The following VWA8 variants were observed in gnomAD, a reference collection of about 807,000 sequenced individuals.
VWA8 encodes the protein von Willebrand factor A domain-containing protein 8.
Under a neutral mutation model 241.5 loss-of-function variants are expected in VWA8, and 221 were observed. The ratio of observed to expected loss-of-function variants is 0.91; its 90% confidence interval spans 0.82 to 1.02. VWA8 has a LOEUF of 1.02. Ranked by LOEUF, VWA8 falls within the 50% of genes least tolerant of loss-of-function variation. VWA8 has a pLI of 0.00. For synonymous variants in VWA8, 852 were observed against 827.1 expected (o/e 1.03, Z -0.52); for missense variants, 2,322 against 2,328.7 (o/e 1.00, Z 0.06).
chr13:41,662,158 G>T lies in VWA8; in HGVS notation c.4611+8788C>A, dbSNP rs35515246. The stretch of plus-strand genomic sequence containing the variant: ...CCCATATAAATTTTAGAGTTGGCTT[G>T]TTTATAGCTATAAACAAAATCCTGC... On this transcript the variant is annotated intron_variant, in intron 37 of 44. Coordinates refer to ENST00000379310, the MANE Select transcript of VWA8 (RefSeq NM_015058.2). 9.4e-3 allele frequency among the ~76,000 whole-genome samples: 1,435 copies of T among 152,154 alleles called. 11 individuals are homozygous for T. The highest frequency in any genetic ancestry group is 0.021 in the African/African-American group (859 of 41,512).
At chr13:41,691,163 C>G (rs935106345) in intron 32 of VWA8, among the ~76,000 whole-genome samples, 157 bp downstream of exon 32, 1 of 152,054 alleles carries the variant, frequency 6.6e-6, no homozygotes, top group African/African-American at 2.4e-5. Flanking sequence ...TTTCTCCCCT[C>G]CTCAATTCTT....
rs1054728220 is a variant in VWA8, at chr13:41,926,120, G to C, written c.242-13952C>G. The C allele has an allele frequency of 1.8e-5, 10 of 565,844 alleles. No individual in the cohort carries two copies. In the African/African-American group the frequency reaches 1.9e-4, roughly 11 times the overall value. The allele number at this position is 565,844 out of a possible 1,614,324, so 35.1% of individuals were successfully genotyped here. A position where few individuals can be genotyped will look rare whatever the true frequency, so the allele number is the denominator to read the frequency against. On this transcript the variant is annotated intron_variant, in intron 2 of 44. Transcript: ENST00000379310. ...AATTTATTCATATTAGTAAGAAACT[G>C]CATCAAGGAGACATAATTGGAGTTC...
At chr13:41,644,501 G>C (rs187837416) in intron 37 of VWA8, among the ~76,000 whole-genome samples, 4 of 152,380 alleles carry the variant, frequency 2.6e-5, no homozygotes, top group Admixed American at 2.6e-4. Context: ...CCATGCCTGT[G>C]TGTGTTTTCT....
intron 40 of VWA8, among the ~76,000 whole-genome samples, chr13:41,601,348 C>G (rs2044519871): frequency 6.6e-6 from 1 of 152,122 alleles, no homozygotes; most frequent in Admixed American, 6.6e-5. Context: ...GTGCCAAACA[C>G]AGTGTGTGCT....
chr13:41,818,772 C>T (rs895712341), intron 15 of VWA8, among the ~76,000 whole-genome samples: 1 of 152,078 alleles, frequency 6.6e-6, no homozygotes, highest in Non-Finnish European at 1.5e-5. Flanking sequence ...TTACTATTTA[C>T]GTGTCTGGCC....
At chr13:41,748,788 G>A (rs1318063069) in intron 21 of VWA8, among the ~76,000 whole-genome samples, 3 of 152,146 alleles carry the variant, frequency 2.0e-5, no homozygotes, top group African/African-American at 7.2e-5. Context: ...AATCGTGCTG[G>A]GAAAACTGGC....
At position 41,626,019 on chromosome 13, in the gene VWA8, G is replaced by T. The variant is rs868544757; in HGVS notation, c.4612-10935C>A. On this transcript the variant is annotated intron_variant, in intron 37 of 44. Transcript: ENST00000379310. ...ACACCGCATGTTCTCACTCATAGGT[G>T]GGAATTGAACAATGAGAACACATGG... 5.3e-3 allele frequency among the ~76,000 whole-genome samples: 672 copies of T among 126,544 alleles called. 2 individuals are homozygous for T. Among genetic ancestry groups the T allele is most frequent in the Middle Eastern group, 0.026 (7 of 272 alleles). 83.0% of individuals were successfully genotyped at this position (126,544 alleles called of 152,430 possible). A position where few individuals can be genotyped will look rare whatever the true frequency, so the allele number is the denominator to read the frequency against.
chr13:41,583,883 G>A (rs1474829356), intron 42 of VWA8, among the ~76,000 whole-genome samples: 1 of 152,120 alleles, frequency 6.6e-6, no homozygotes, highest in Non-Finnish European at 1.5e-5. Context: ...TTGAATTTGA[G>A]TTGGATATTA....
chr13:41,872,363 A>G (rs1463159356), intron 9 of VWA8, among the ~76,000 whole-genome samples: 6 of 152,180 alleles, frequency 3.9e-5, no homozygotes, highest in Non-Finnish European at 8.8e-5. Context: ...TTGGTGTTTT[A>G]GACATGAAGT....
At position 41,819,332 on chromosome 13, in the gene VWA8, AG is replaced by A; in HGVS notation, c.1754del (p.Pro585LeufsTer16). 1 of 1,612,816 alleles carries A rather than the reference AG, an allele frequency of 6.2e-7. No individual in the cohort carries two copies. The highest frequency in any genetic ancestry group is 8.5e-7 in the Non-Finnish European group (1 of 1,179,736). On this transcript the variant is annotated frameshift_variant, in exon 15 of 45. Transcript: ENST00000379310. LOFTEE classifies it high-confidence loss of function. ...SFRIIALAEP[P>X]VIGSTAHQWL... ...ACTGGTGTGCTGTGCTTCCAATAAC[AG>A]GGGGTTCTGCCAAGGCAATGATTCT...
chr13:41,630,836 G>A (rs1051263955), intron 37 of VWA8, among the ~76,000 whole-genome samples: 2 of 152,172 alleles, frequency 1.3e-5, no homozygotes, highest in African/African-American at 4.8e-5. Context: ...CATAAGAGGT[G>A]CTAAATAAAT....
In VWA8 at chr13:41,568,619, A is replaced by G. The variant is rs573996907; in HGVS notation, c.5610-314T>C. Among the ~76,000 whole-genome samples the G allele has an allele frequency of 3.4e-4, 52 of 152,342 alleles. 1 individual carries two copies. In the South Asian group the frequency reaches 0.011, roughly 31 times the overall value. ...TCTTGGTATTTCATATTCTTTTGGTATAACAGAGCCATAGGGATTCATATG... is the reference window on the plus strand; with the variant it reads ...TCTTGGTATTTCATATTCTTTTGGTGTAACAGAGCCATAGGGATTCATATG... On this transcript the variant is annotated intron_variant, in intron 44 of 44. Coordinates refer to ENST00000379310, the MANE Select transcript of VWA8 (RefSeq NM_015058.2).
At chr13:41,848,985 C>T (rs888413997) in intron 12 of VWA8, among the ~76,000 whole-genome samples, 2 of 152,230 alleles carry the variant, frequency 1.3e-5, no homozygotes, top group Non-Finnish European at 2.9e-5. Flanking sequence ...CTTCTACCAA[C>T]TCAAATCCCA....
In VWA8 at chr13:41,721,469, A is replaced by C. The variant is rs757281516; in HGVS notation, c.2865T>G (p.Leu955=). The change falls in exon 25 of 45, where the codon CTT becomes CTG. Residue 955 remains leucine, a synonymous_variant. Transcript: ENST00000379310. ...TCCTCAGCTCTCCAAAGGCAGCCAC[A>C]AGCTTCTGAAGGATGGGCTCAGGCA... ...PNVPEPILQK[L]VAAFGELRSL... 1.2e-6 allele frequency: 2 copies of C among 1,613,890 alleles called. No homozygotes were observed. Among genetic ancestry groups the C allele is most frequent in the Non-Finnish European group, 1.7e-6 (2 of 1,179,864 alleles).
intron 2 of VWA8, among the ~76,000 whole-genome samples, chr13:41,916,786 T>C (rs1179126866): frequency 2.0e-5 from 3 of 152,104 alleles, no homozygotes; most frequent in Non-Finnish European, 2.9e-5. Flanking sequence ...ACGCCAGAAA[T>C]AGAAACAAGA....
intron 26 of VWA8, among the ~76,000 whole-genome samples, chr13:41,708,028 A>G (rs1418892308): frequency 6.6e-6 from 1 of 152,202 alleles, no homozygotes; most frequent in Non-Finnish European, 1.5e-5. Flanking sequence ...TTTTAGAGAG[A>G]GCAGGTCAGA....
At chr13:41,729,788 T>TATAC (rs1566431801) in intron 22 of VWA8, 111 bp from the exon 23 acceptor site, 1 of 811,160 alleles carries the variant, frequency 1.2e-6, no homozygotes, top group African/African-American at 1.9e-5. Flanking sequence ...AAGTTACAAG[T>TATAC]ATACACGTAG....
chr13:41,841,321 G>A (rs1174316688), intron 12 of VWA8, among the ~76,000 whole-genome samples: 1 of 152,138 alleles, frequency 6.6e-6, no homozygotes, highest in African/African-American at 2.4e-5. Context: ...GTTAAAAAGT[G>A]TGACTATGAT....
At chr13:41,593,067 C>T (rs769460765) in intron 40 of VWA8, among the ~76,000 whole-genome samples, 5 of 152,132 alleles carry the variant, frequency 3.3e-5, no homozygotes, top group South Asian at 2.1e-4. Context: ...ATAGCACTGT[C>T]GTTGGAAATA....
Sources: gnomAD v4.1 joint callset for allele counts (sites outside exome capture counted in the v4.1 genomes callset) on GRCh38, gnomAD v4.1.1 for gene constraint, MANE v1.5 for transcripts, NCBI Gene and HGNC (gene_info 2026-07-23, HGNC 2026-07-21) for gene names.